CCDC171: variants seen among roughly 807,000 people sequenced by gnomAD.
The protein encoded by CCDC171 is coiled-coil domain-containing protein 171.
CCDC171 carries 177 observed loss-of-function variants against 168.2 expected under a neutral mutation model. That is an observed-to-expected ratio of 1.05 (90% CI 0.93 to 1.19). The LOEUF (loss-of-function observed/expected upper bound fraction) is 1.19. Among genes scored for constraint, CCDC171 ranks in the 50% most tolerant of loss-of-function variants. The pLI is 0.00. For missense variants in CCDC171, 1,991 were observed against 1,539.0 expected (o/e 1.29, Z -4.91); for synonymous variants, 687 against 540.8 (o/e 1.27, Z -3.75).
intron 3 of CCDC171, 118 bp downstream of exon 3, chr9:15,571,877 G>C: frequency 2.4e-6 from 2 of 846,296 alleles, no homozygotes; most frequent in Non-Finnish European, 3.5e-6. Flanking sequence ...GGCTTAAAAA[G>C]GAAATTGTAA....
intron 16 of CCDC171, among the ~76,000 whole-genome samples, chr9:15,730,124 G>A (rs1191727508): frequency 6.6e-6 from 1 of 151,838 alleles, no homozygotes; most frequent in Non-Finnish European, 1.5e-5. Context: ...ATTTGGTAAT[G>A]TATTGTCAGT....
chr9:16,032,759 A>G (rs955213062), intron 6 of CCDC171, among the ~76,000 whole-genome samples: 1 of 152,186 alleles, frequency 6.6e-6, no homozygotes, highest in Admixed American at 6.5e-5. Context: ...CTGGGATTTC[A>G]GGCATAAGCC....
At chr9:15,669,388 T>C (rs1215156386) in intron 9 of CCDC171, among the ~76,000 whole-genome samples, 1 of 152,226 alleles carries the variant, frequency 6.6e-6, no homozygotes, top group Non-Finnish European at 1.5e-5. Context: ...GTGATATTTT[T>C]ATACAAGCAT....
intron 10 of CCDC171, among the ~76,000 whole-genome samples, chr9:15,684,622 G>A (rs1205847609): frequency 6.6e-6 from 1 of 152,096 alleles, no homozygotes; most frequent in Non-Finnish European, 1.5e-5. Context: ...ATGAGGTTTT[G>A]AAGGATCATA....
At chr9:15,808,598 G>A (rs974531255) in intron 21 of CCDC171, among the ~76,000 whole-genome samples, 5 of 152,050 alleles carry the variant, frequency 3.3e-5, no homozygotes, top group African/African-American at 1.2e-4. Flanking sequence ...CTTTCAGAGA[G>A]CAGGGTGCTT....
chr9:15,784,623 T>C lies in CCDC171; in HGVS notation c.3196T>C (p.Leu1066=). ...TGAACAGGCACAACAACTACAGGAA[T>C]TGAATTATAAACTTGAATTGCACTC... ...LNEQAQQLQE[L]NYKLELHSSE... The change falls in exon 21 of 26, where the codon TTG becomes CTG. Residue 1066 remains leucine, a synonymous_variant. Coordinates refer to ENST00000380701, the MANE Select transcript of CCDC171 (RefSeq NM_173550.4). 3.1e-6 allele frequency: 5 copies of C among 1,613,436 alleles called. No homozygotes were observed. In the African/African-American group the frequency reaches 4.0e-5, roughly 13 times the overall value.
the CCDC171 span, among the ~76,000 whole-genome samples, chr9:16,081,294 ATC>A: frequency 2.6e-5 from 4 of 152,214 alleles, no homozygotes; most frequent in East Asian, 7.7e-4. Flanking sequence ...GGTTCATCAA[ATC>A]TCTCAGAGGT....
At chr9:15,561,907 A>G (rs901564377) in intron 1 of CCDC171, among the ~76,000 whole-genome samples, 4 of 151,870 alleles carry the variant, frequency 2.6e-5, no homozygotes, top group African/African-American at 9.7e-5. Flanking sequence ...CCTGCCTGTT[A>G]CTCAAGATTT....
intron 6 of CCDC171, among the ~76,000 whole-genome samples, chr9:15,605,254 C>G (rs545248421): frequency 6.6e-6 from 1 of 152,100 alleles, no homozygotes; most frequent in East Asian, 1.9e-4. Context: ...AGGTAAACAC[C>G]TTAAGGAAGT....
chr9:15,801,978 A>C (rs2058849315), intron 21 of CCDC171, among the ~76,000 whole-genome samples: 1 of 152,066 alleles, frequency 6.6e-6, no homozygotes, highest in African/African-American at 2.4e-5. Flanking sequence ...CCACTTGGTC[A>C]TGTTGAATGA....
At chr9:15,605,016 C>T (rs1166642412) in intron 6 of CCDC171, among the ~76,000 whole-genome samples, 1 of 152,092 alleles carries the variant, frequency 6.6e-6, no homozygotes, top group Non-Finnish European at 1.5e-5. Flanking sequence ...CTACCTCAGC[C>T]TCCTTTGTAT....
At chr9:15,967,453 A>G (rs1316098341) in intron 25 of CCDC171, among the ~76,000 whole-genome samples, 1 of 152,220 alleles carries the variant, frequency 6.6e-6, no homozygotes, top group African/African-American at 2.4e-5. Flanking sequence ...AACAACGTGC[A>G]ATGTGCAATA....
At chr9:16,105,726 G>A in the CCDC171 span, among the ~76,000 whole-genome samples, 8 of 152,170 alleles carry the variant, frequency 5.3e-5, no homozygotes, top group African/African-American at 1.9e-4. Flanking sequence ...GGGTTTTTCT[G>A]TTGGCCTCTA....
chr9:15,909,401 TACACACAC>T (rs57910855), intron 24 of CCDC171, among the ~76,000 whole-genome samples: 5 of 140,766 alleles, frequency 3.6e-5, no homozygotes, highest in Non-Finnish European at 6.6e-5. Flanking sequence ...TACATGTGCG[TACACACAC>T]ACACACACAC....
chr9:15,886,017 T>A (rs1363202612), intron 24 of CCDC171: 1 of 152,152 alleles, frequency 6.6e-6, no homozygotes, highest in Non-Finnish European at 1.5e-5. Context: ...CCCTCTTATT[T>A]AAACTTGGAA....
intron 18 of CCDC171, among the ~76,000 whole-genome samples, chr9:15,763,419 C>T (rs2135129551): frequency 6.6e-6 from 1 of 152,248 alleles, no homozygotes; most frequent in East Asian, 1.9e-4. Context: ...ATTCAAAGCC[C>T]CAACTTGCTA....
intron 25 of CCDC171, among the ~76,000 whole-genome samples, chr9:15,932,921 C>T (rs1466165955): frequency 1.3e-5 from 2 of 151,958 alleles, no homozygotes; most frequent in Non-Finnish European, 2.9e-5. Flanking sequence ...TTAAACCATC[C>T]TTGCATCCCC....
At chr9:16,081,191 G>C in the CCDC171 span, among the ~76,000 whole-genome samples, 2 of 152,150 alleles carry the variant, frequency 1.3e-5, no homozygotes, top group African/African-American at 4.8e-5. Flanking sequence ...TTGCTTTCTA[G>C]CATCAATTCA....
chr9:16,014,942 A>T (rs903189332), intron 3 of CCDC171, among the ~76,000 whole-genome samples: 51 of 152,102 alleles, frequency 3.4e-4, no homozygotes, highest in Non-Finnish European at 1.3e-4. Context: ...CACCAGCTCC[A>T]TTAGCCGCTA....
Sources: allele counts gnomAD v4.1 joint callset (sites outside exome capture counted in the v4.1 genomes callset), GRCh38; gene constraint gnomAD v4.1.1; transcripts MANE v1.5; gene names NCBI Gene and HGNC (gene_info 2026-07-23, HGNC 2026-07-21).